The following SLC14A2 variants were observed in gnomAD, a reference collection of about 807,000 sequenced individuals.
SLC14A2 encodes the protein urea transporter 2.
Under a neutral mutation model 104.6 loss-of-function variants are expected in SLC14A2, and 91 were observed. That is an observed-to-expected ratio of 0.87 (90% CI 0.73 to 1.04). SLC14A2 has a LOEUF of 1.04. Among genes scored for constraint, SLC14A2 ranks in the 50% least tolerant of loss-of-function variants. The pLI is 0.00. For missense variants in SLC14A2, 1,189 were observed against 1,156.0 expected (o/e 1.03, Z -0.41); for synonymous variants, 476 against 466.4 (o/e 1.02, Z -0.27).
At chr18:45,226,417 C>A (rs1038643920) in intron 1 of SLC14A2, among the ~76,000 whole-genome samples, 2 of 152,060 alleles carry the variant, frequency 1.3e-5, no homozygotes, top group Non-Finnish European at 2.9e-5. Flanking sequence ...TTGGAACCAA[C>A]CCAAATGTCC....
At chr18:45,593,691 G>A (rs965393111) in intron 2 of SLC14A2, among the ~76,000 whole-genome samples, 5 of 151,658 alleles carry the variant, frequency 3.3e-5, no homozygotes, top group South Asian at 2.1e-4. Flanking sequence ...GGGTTTCACC[G>A]TGTTAGCCAG....
At chr18:45,431,726 T>C (rs548639743) in intron 1 of SLC14A2, among the ~76,000 whole-genome samples, 1 of 152,154 alleles carries the variant, frequency 6.6e-6, no homozygotes, top group Non-Finnish European at 1.5e-5. Context: ...TGCCCACAGG[T>C]CAGTGAATAC....
intron 1 of SLC14A2, among the ~76,000 whole-genome samples, chr18:45,325,727 T>C (rs1458478226): frequency 1.3e-5 from 2 of 152,158 alleles, no homozygotes; most frequent in Non-Finnish European, 2.9e-5. Flanking sequence ...ATAGGAATAC[T>C]AGAAGTAAAG....
chr18:45,653,860 A>G (rs2045783576), intron 10 of SLC14A2, among the ~76,000 whole-genome samples: 1 of 152,162 alleles, frequency 6.6e-6, no homozygotes, highest in Non-Finnish European at 1.5e-5. Flanking sequence ...CCCTGCCCCT[A>G]TGGGGAATTA....
At chr18:45,315,136 G>A (rs962310025) in intron 1 of SLC14A2, among the ~76,000 whole-genome samples, 1 of 152,170 alleles carries the variant, frequency 6.6e-6, no homozygotes, top group African/African-American at 2.4e-5. Context: ...CTGCAGGTAG[G>A]AGTCATCAGA....
At chr18:45,491,275 A>G (rs1255346512) in intron 2 of SLC14A2, among the ~76,000 whole-genome samples, 2 of 152,256 alleles carry the variant, frequency 1.3e-5, no homozygotes, top group Non-Finnish European at 2.9e-5. Context: ...AGCTAGATGC[A>G]GGCATCAAGA....
intron 9 of SLC14A2, among the ~76,000 whole-genome samples, chr18:45,643,471 C>T (rs1031436034): frequency 1.3e-5 from 2 of 152,202 alleles, no homozygotes; most frequent in East Asian, 3.8e-4. Context: ...GGGGGAACAT[C>T]CTCAGGCCAA....
chr18:45,406,805 CAAT>C (rs2086160210), intron 1 of SLC14A2, among the ~76,000 whole-genome samples: 2 of 151,996 alleles, frequency 1.3e-5, no homozygotes, highest in Admixed American at 6.6e-5. Context: ...TGTTAATAAG[CAAT>C]AATATTTTGA....
chr18:45,265,274 C>G (rs978189487), intron 1 of SLC14A2, among the ~76,000 whole-genome samples: 2 of 152,084 alleles, frequency 1.3e-5, no homozygotes, highest in Non-Finnish European at 2.9e-5. Flanking sequence ...CTAACTAGCT[C>G]CAAAGAGCCA....
chr18:45,678,514 GC>G (rs1217751596), intron 18 of SLC14A2, among the ~76,000 whole-genome samples: 3 of 151,588 alleles, frequency 2.0e-5, no homozygotes, highest in Non-Finnish European at 2.9e-5. Context: ...CTTCTGCAGA[GC>G]CTACACGACA....
chr18:45,433,979 GCTCC>G (rs2086558186), intron 1 of SLC14A2, among the ~76,000 whole-genome samples: 1 of 152,098 alleles, frequency 6.6e-6, no homozygotes, highest in Non-Finnish European at 1.5e-5. Flanking sequence ...CTTACTCAGG[GCTCC>G]TGTGTCTTCC....
chr18:45,200,900 C>A, the SLC14A2 span, among the ~76,000 whole-genome samples: 1 of 151,974 alleles, frequency 6.6e-6, no homozygotes, highest in South Asian at 2.1e-4. Context: ...AATCTTGATT[C>A]ATTATTATAC....
chr18:45,345,673 C>G (rs1383760563), intron 1 of SLC14A2, among the ~76,000 whole-genome samples: 3 of 152,160 alleles, frequency 2.0e-5, no homozygotes, highest in Admixed American at 2.0e-4. Flanking sequence ...ATCTATCAAT[C>G]TCTTTTAATA....
intron 2 of SLC14A2, among the ~76,000 whole-genome samples, chr18:45,605,979 T>C (rs4393663): frequency 0.73 from 110,202 of 151,872 alleles, 40,181 homozygotes; most frequent in East Asian, 0.85. Context: ...CATACTGAAA[T>C]AACACATTTC....
intron 1 of SLC14A2, among the ~76,000 whole-genome samples, chr18:45,286,190 C>G (rs16978327): frequency 0.042 from 6,347 of 152,290 alleles, 176 homozygotes; most frequent in Middle Eastern, 0.12. Flanking sequence ...AAGCTCTCAC[C>G]TGGGAACTGC....
chr18:45,448,969 G>A (rs146543893), intron 1 of SLC14A2, among the ~76,000 whole-genome samples: 7 of 152,314 alleles, frequency 4.6e-5, no homozygotes, highest in Non-Finnish European at 7.3e-5. Context: ...ATCACTGACC[G>A]GAATCTGTAA....
intron 1 of SLC14A2, among the ~76,000 whole-genome samples, chr18:45,461,851 G>A (rs542842302): frequency 8.5e-5 from 13 of 152,292 alleles, no homozygotes; most frequent in South Asian, 6.2e-4. Context: ...TCAATTCTTC[G>A]TAAATACTGT....
At chr18:45,659,471 C>G (rs1047561574) in intron 10 of SLC14A2, among the ~76,000 whole-genome samples, 2 of 152,230 alleles carry the variant, frequency 1.3e-5, no homozygotes, top group African/African-American at 4.8e-5. Context: ...AAATAAACCA[C>G]AGGGAGCCAG....
chr18:45,665,540 C>CA (rs1383418016), intron 11 of SLC14A2, among the ~76,000 whole-genome samples: 1 of 151,902 alleles, frequency 6.6e-6, no homozygotes, highest in Non-Finnish European at 1.5e-5. Flanking sequence ...CTTAAAAAAA[C>CA]AAAAACAAAA....
Sources: allele counts gnomAD v4.1 joint callset (sites outside exome capture counted in the v4.1 genomes callset), GRCh38; gene constraint gnomAD v4.1.1; transcripts MANE v1.5; gene names NCBI Gene and HGNC (gene_info 2026-07-23, HGNC 2026-07-21).